The following NWD2 variants were observed in gnomAD, a reference collection of about 807,000 sequenced individuals.
The protein encoded by NWD2 is NACHT and WD repeat domain-containing protein 2.
In NWD2, 37 loss-of-function variants were observed where a neutral mutation model predicts 132.7. The observed-to-expected ratio is 0.28, with a 90% CI of 0.21 to 0.37. NWD2 has a LOEUF of 0.37. Ranked by LOEUF, NWD2 falls within the 10% of genes least tolerant of loss-of-function variation. The pLI, the probability that NWD2 is intolerant of heterozygous loss-of-function variation, is 1.00. For missense variants in NWD2, 1,592 were observed against 2,122.4 expected, an observed-to-expected ratio of 0.75 and a Z score of 4.91; for synonymous variants, 705 against 803.0, an observed-to-expected ratio of 0.88 and a Z score of 2.06.
chr4:37,287,345 G>A (rs988112142), intron 1 of NWD2, among the ~76,000 whole-genome samples: 3 of 125,756 alleles, frequency 2.4e-5, no homozygotes, highest in Admixed American at 2.2e-4. Context: ...TTTTTGCGAC[G>A]GGGGGCAGCA....
intron 3 of NWD2, among the ~76,000 whole-genome samples, chr4:37,404,397 C>A (rs1720955799): frequency 1.3e-5 from 2 of 152,162 alleles, no homozygotes; most frequent in South Asian, 4.2e-4. Flanking sequence ...AAGGTCCTTT[C>A]CCACCCTCAT....
Position 37,449,421 on chromosome 4 carries a change from C to A in NWD2, c.*2204C>A, listed in dbSNP as rs1712729054. 1 of 152,124 alleles carries A rather than the reference C, an allele frequency of 6.6e-6. No individual in the cohort carries two copies. Among genetic ancestry groups the A allele is most frequent in the African/African-American group, 2.4e-5 (1 of 41,412 alleles). 9.4% of individuals were successfully genotyped at this position (152,124 alleles called of 1,614,324 possible). A position where few individuals can be genotyped will look rare whatever the true frequency, so the allele number is the denominator to read the frequency against. On this transcript the variant is annotated 3_prime_UTR_variant, in exon 7 of 7. Transcript: ENST00000309447. ...TTTCAGTCTTCAAACAATATACAGT[C>A]TTGTGTATGTATTATTTGTATGAAT... is the stretch of plus-strand genomic sequence containing the variant.
At chr4:37,287,357 C>T in intron 1 of NWD2, among the ~76,000 whole-genome samples, 1 of 152,156 alleles carries the variant, frequency 6.6e-6, no homozygotes, top group East Asian at 1.9e-4. Flanking sequence ...GGGGCAGCAG[C>T]CAGCACTGGG....
chr4:37,349,270 A>C (rs1352005379), intron 2 of NWD2, among the ~76,000 whole-genome samples: 1 of 152,164 alleles, frequency 6.6e-6, no homozygotes, highest in Non-Finnish European at 1.5e-5. Flanking sequence ...TGTCTTCCAC[A>C]GTGGTCAAGC....
At chr4:37,438,122 A>G (rs1006492254) in intron 5 of NWD2, among the ~76,000 whole-genome samples, 4 of 152,122 alleles carry the variant, frequency 2.6e-5, no homozygotes, top group Admixed American at 1.3e-4. Flanking sequence ...TTAGCCGGGC[A>G]TGGTGGCGGG....
chr4:37,313,466 G>T (rs1718892874), intron 1 of NWD2, among the ~76,000 whole-genome samples: 1 of 150,864 alleles, frequency 6.6e-6, no homozygotes, highest in African/African-American at 2.5e-5. Flanking sequence ...TGTGGGATCG[G>T]TGGTGATATC....
intron 1 of NWD2, among the ~76,000 whole-genome samples, chr4:37,302,942 A>G (rs1431976560): frequency 6.6e-6 from 1 of 152,154 alleles, no homozygotes; most frequent in Non-Finnish European, 1.5e-5. Flanking sequence ...TGTGCTGTGA[A>G]GACACTTTAT....
intron 1 of NWD2, among the ~76,000 whole-genome samples, chr4:37,295,540 T>C (rs1316663214): frequency 6.6e-6 from 1 of 152,214 alleles, no homozygotes; most frequent in Non-Finnish European, 1.5e-5. Flanking sequence ...TAGCCTTGAT[T>C]CTGTCTGTCT....
At position 37,446,069 on chromosome 4, in the gene NWD2, GAACACTGTGTGTTA is replaced by G; in HGVS notation, c.4083_4096del (p.Glu1361AspfsTer12). The stretch of plus-strand genomic sequence containing the variant: ...AGTATTCAAGCATGAAGGAATAGTT[GAACACTGTGTGTTA>G]ACATCCACCGGAGATATAATGGTGA... On this transcript the variant is annotated frameshift_variant, in exon 7 of 7. Transcript: ENST00000309447. LOFTEE classifies it high-confidence loss of function. The surrounding 1 kb of genome is among the most constrained non-coding windows in gnomAD (Gnocchi z 6.7). 6.4e-7 allele frequency: 1 copy of G among 1,551,786 alleles called. No individual in the cohort carries two copies. The highest frequency in any genetic ancestry group is 8.7e-7 in the Non-Finnish European group (1 of 1,147,000).
intron 1 of NWD2, among the ~76,000 whole-genome samples, chr4:37,320,308 A>C (rs1216359575): frequency 6.6e-6 from 1 of 152,182 alleles, no homozygotes; most frequent in Non-Finnish European, 1.5e-5. Flanking sequence ...AGAAGATAGA[A>C]CTTAGCTAGA....
intron 3 of NWD2, among the ~76,000 whole-genome samples, chr4:37,400,049 C>T (rs954291176): frequency 2.0e-5 from 3 of 152,196 alleles, no homozygotes; most frequent in Admixed American, 1.3e-4. Flanking sequence ...ATTGTAGACT[C>T]TGTATCCCCA....
chr4:37,272,380 T>C (rs922485234), intron 1 of NWD2, among the ~76,000 whole-genome samples: 8 of 151,792 alleles, frequency 5.3e-5, no homozygotes. Flanking sequence ...ATTTCTTCAT[T>C]AATAGTTGAC....
intron 2 of NWD2, among the ~76,000 whole-genome samples, chr4:37,339,043 T>A (rs1402227607): frequency 6.6e-6 from 1 of 152,248 alleles, no homozygotes; most frequent in Non-Finnish European, 1.5e-5. Flanking sequence ...TGCATGTCTC[T>A]TTGTTTAGTC....
At chr4:37,252,760 A>G (rs901983990) in intron 1 of NWD2, among the ~76,000 whole-genome samples, 1 of 152,174 alleles carries the variant, frequency 6.6e-6, no homozygotes, top group African/African-American at 2.4e-5. Context: ...AGTCCAGCCC[A>G]AGATTCCTTA....
At chr4:37,276,116 A>T (rs1193043829) in intron 1 of NWD2, among the ~76,000 whole-genome samples, 1 of 152,182 alleles carries the variant, frequency 6.6e-6, no homozygotes, top group East Asian at 1.9e-4. Flanking sequence ...AATTAAACTA[A>T]AGAGCTTCTG....
intron 1 of NWD2, among the ~76,000 whole-genome samples, chr4:37,296,676 T>A (rs1033142340): frequency 1.3e-5 from 2 of 151,934 alleles, no homozygotes; most frequent in African/African-American, 4.8e-5. Context: ...TAATAGACCT[T>A]ACAGACTCAG....
intron 1 of NWD2, among the ~76,000 whole-genome samples, chr4:37,305,112 G>C (rs1363281978): frequency 6.6e-6 from 1 of 152,210 alleles, no homozygotes; most frequent in Non-Finnish European, 1.5e-5. Flanking sequence ...CAATGCTTGG[G>C]GTTTGCACCC....
chr4:37,340,232 A>G (rs1036716879), intron 2 of NWD2, among the ~76,000 whole-genome samples: 3 of 152,114 alleles, frequency 2.0e-5, no homozygotes. Flanking sequence ...ACCATGTCAC[A>G]TTTCTGTCTT....
At chr4:37,291,962 G>C (rs1193588668) in intron 1 of NWD2, among the ~76,000 whole-genome samples, 2 of 152,150 alleles carry the variant, frequency 1.3e-5, no homozygotes, top group African/African-American at 4.8e-5. Context: ...AATGTAAGCT[G>C]ACTCAGATAT....
Sources: gnomAD v4.1 joint callset for allele counts (sites outside exome capture counted in the v4.1 genomes callset) on GRCh38, gnomAD v4.1.1 for gene constraint, Gnocchi (gnomAD v3.1) non-coding constraint, MANE v1.5 for transcripts, NCBI Gene and HGNC (gene_info 2026-07-23, HGNC 2026-07-21) for gene names.